Variants in AHRR observed in about 807,000 individuals in gnomAD.
The protein encoded by AHRR is aryl hydrocarbon receptor repressor.
In AHRR, 28 loss-of-function variants were observed where a neutral mutation model predicts 44.0. The ratio of observed to expected loss-of-function variants is 0.64; its 90% CI spans 0.47 to 0.87. AHRR has a LOEUF of 0.87. AHRR is among the 40% of genes least tolerant of loss of function. The pLI is 0.00. For synonymous variants in AHRR, 434 were observed against 407.0 expected (o/e 1.07, Z -0.80); for missense variants, 990 against 953.9 (o/e 1.04, Z -0.50).
At chr5:340,670 A>T (rs1480830676) in intron 1 of AHRR, among the ~76,000 whole-genome samples, 2 of 23,990 alleles carry the variant, frequency 8.3e-5, no homozygotes, top group Non-Finnish European at 1.5e-4. Flanking sequence ...AATATTATAT[A>T]TATATATATA....
intron 4 of AHRR, among the ~76,000 whole-genome samples, chr5:393,626 G>A (rs1247927482): frequency 6.9e-6 from 1 of 144,036 alleles, no homozygotes; most frequent in Non-Finnish European, 1.5e-5. Context: ...ATGTTTTATT[G>A]TTTTATTTGT....
chr5:433,143 C>T (rs35664198), intron 10 of AHRR, among the ~76,000 whole-genome samples, 196 bp downstream of exon 10: 2 of 152,116 alleles, frequency 1.3e-5, no homozygotes, highest in Non-Finnish European at 1.5e-5. Context: ...TCACGTGTGT[C>T]GCTGGGGACT....
At chr5:415,362 T>C (rs1329256420) in intron 5 of AHRR, among the ~76,000 whole-genome samples, 244 of 137,956 alleles carry the variant, frequency 1.8e-3, no homozygotes, top group Non-Finnish European at 3.1e-3. Context: ...AGGGGCCGAG[T>C]CTCCCTGGTC....
chr5:344,191 G>A (rs1157397200), intron 2 of AHRR, among the ~76,000 whole-genome samples: 2 of 151,142 alleles, frequency 1.3e-5, no homozygotes, highest in Admixed American at 6.6e-5. Flanking sequence ...TCGGGGCCCT[G>A]AGCGGTGGAG....
chr5:401,793 T>C (rs990467536), intron 4 of AHRR, among the ~76,000 whole-genome samples: 1 of 152,196 alleles, frequency 6.6e-6, no homozygotes, highest in Non-Finnish European at 1.5e-5. Context: ...GCTACCTTCC[T>C]TCTGGAAATG....
At chr5:324,460 A>AT (rs1006655626) in intron 1 of AHRR, among the ~76,000 whole-genome samples, 1 of 140,234 alleles carries the variant, frequency 7.1e-6, no homozygotes, top group African/African-American at 3.1e-5. Context: ...ATATAAAAAA[A>AT]TTAAAAAAAA....
At chr5:398,430 T>A (rs1198315706) in intron 4 of AHRR, among the ~76,000 whole-genome samples, 2 of 152,076 alleles carry the variant, frequency 1.3e-5, no homozygotes, top group Non-Finnish European at 2.9e-5. Context: ...ACCATCCACA[T>A]AAGCCCCTGA....
At chr5:428,654 A>C (rs886960069) in intron 8 of AHRR, among the ~76,000 whole-genome samples, 2 of 152,256 alleles carry the variant, frequency 1.3e-5, no homozygotes, top group Non-Finnish European at 2.9e-5. Flanking sequence ...CTCACTATGC[A>C]TTTCATTTCT....
At chr5:429,151 A>G (rs996224455) in intron 8 of AHRR, among the ~76,000 whole-genome samples, 2 of 152,230 alleles carry the variant, frequency 1.3e-5, no homozygotes, top group African/African-American at 4.8e-5. Flanking sequence ...CTGTGCCTAT[A>G]GAAACTGTGT....
At position 432,898 on chromosome 5, in the gene AHRR, T is replaced by G. The variant is rs200373964; in HGVS notation, c.1063T>G (p.Cys355Gly). The change falls in exon 10 of 11, where the codon TGC (cysteine) becomes GGC (glycine). Residue 355 changes from cysteine to glycine, a missense_variant. By Grantham distance (159) the Cys-to-Gly change is radical. Transcript: ENST00000684583. ...AQVPARAPCL[C>G]LRGGPDLVLD... ...GGTTCCCGCCAGGGCCCCATGCCTG[T>G]GCCTCCGGGGTGGCCCTGACCTTGT... is the stretch of plus-strand genomic sequence containing the variant. The G allele has an allele frequency of 6.1e-5, 99 of 1,613,518 alleles. 1 individual carries two copies. The South Asian group carries it at 1.0e-3, about 17-fold the overall frequency.
chr5:424,089 T>TCCACCA, intron 7 of AHRR, 112 bp downstream of exon 7: 2 of 1,383,114 alleles, frequency 1.4e-6, no homozygotes, highest in Non-Finnish European at 1.9e-6. Context: ...CACATGTCCC[T>TCCACCA]GGTGGAGGGA....
At chr5:427,595 G>A in intron 7 of AHRR, 1 of 1,609,054 alleles carries the variant, frequency 6.2e-7, no homozygotes, top group Non-Finnish European at 8.5e-7. Context: ...GGGAGTGGGG[G>A]ATGGTTTCAG....
chr5:353,075 G>T (rs1418985387), intron 2 of AHRR, among the ~76,000 whole-genome samples: 1 of 152,134 alleles, frequency 6.6e-6, no homozygotes, highest in Non-Finnish European at 1.5e-5. Flanking sequence ...GCCCCTTTTT[G>T]TGGGTAGAGC....
intron 4 of AHRR, among the ~76,000 whole-genome samples, chr5:402,005 T>C (rs1384328185): frequency 1.3e-5 from 2 of 152,020 alleles, no homozygotes; most frequent in Non-Finnish European, 2.9e-5. Flanking sequence ...GTCAACACAA[T>C]GAAGAGGCAG....
In AHRR at chr5:432,306, A is replaced by G. The variant is rs1007993245; in HGVS notation, c.909-157A>G. 18 of 679,814 alleles carry G rather than the reference A, an allele frequency of 2.6e-5. 1 individual carries two copies. The highest frequency in any genetic ancestry group is 9.0e-5 in the African/African-American group (5 of 55,336). The allele number at this position is 679,814 out of a possible 1,614,324, so 42.1% of individuals were successfully genotyped here. ...CTGAGAAAATAACTTTCCACACTAT[A>G]AAGAATTAAACAAGAGTGAACTATT... On this transcript the variant is annotated intron_variant, in intron 8 of 10. Transcript: ENST00000684583.
intron 5 of AHRR, 96 bp from the exon 6 acceptor site, chr5:422,633 C>A: frequency 6.5e-7 from 1 of 1,542,604 alleles, no homozygotes; most frequent in South Asian, 1.1e-5. Context: ...CTTGCTTTGA[C>A]AAGTGGAGTG....
In AHRR at chr5:321,822, A is replaced by T. The variant is rs1741502810; in HGVS notation, c.-11+3A>T. The T allele has an allele frequency of 6.6e-6, 1 of 151,628 alleles. No homozygotes were observed. Among genetic ancestry groups the T allele is most frequent in the South Asian group, 2.1e-4 (1 of 4,832 alleles). The allele number at this position is 151,628 out of a possible 1,614,324, so 9.4% of individuals were successfully genotyped here. ...CCTCCGCGCCCCGCAGGCCCTGGGT[A>T]AGTGTCCTGGGCGCCCCCGCAGGCC... is the stretch of plus-strand genomic sequence containing the variant. On this transcript the variant is annotated splice_donor_region_variant and intron_variant, in intron 1 of 10. Transcript: ENST00000684583. This position sits in a 1 kb window ranked among gnomAD's most constrained non-coding sequence, Gnocchi z 8.3.
chr5:369,228 A>T (rs1743480230), intron 3 of AHRR, among the ~76,000 whole-genome samples: 1 of 152,072 alleles, frequency 6.6e-6, no homozygotes, highest in African/African-American at 2.4e-5. Context: ...ACACCCGCCC[A>T]TGTGTCAAGA....
chr5:345,500 G>C (rs1742629536), intron 2 of AHRR, among the ~76,000 whole-genome samples: 1 of 92,212 alleles, frequency 1.1e-5, no homozygotes, highest in Non-Finnish European at 3.1e-5. Context: ...GTGTGTATGT[G>C]GGGGGGAGGG....
Sources: allele counts gnomAD v4.1 joint callset (sites outside exome capture counted in the v4.1 genomes callset), GRCh38; gene constraint gnomAD v4.1.1; non-coding constraint Gnocchi (gnomAD v3.1); transcripts MANE v1.5; gene names NCBI Gene and HGNC (gene_info 2026-07-23, HGNC 2026-07-21).